Variants in PREX2 observed in about 807,000 individuals in gnomAD.
PREX2 encodes the protein phosphatidylinositol 3,4,5-trisphosphate-dependent Rac exchanger 2 protein.
PREX2 carries 107 observed loss-of-function variants against 203.2 expected under a neutral mutation model. That is an observed-to-expected ratio of 0.53 (90% confidence interval 0.45 to 0.62). The LOEUF (loss-of-function observed/expected upper bound fraction) is 0.62. Ranked by LOEUF, PREX2 falls within the 20% of genes least tolerant of loss-of-function variation. The probability of loss-of-function intolerance (pLI) is 0.00; values close to 1 mark genes in which losing one functional copy is unlikely to be tolerated. For missense variants in PREX2, 1,777 were observed against 1,955.9 expected, an observed-to-expected ratio of 0.91 and a Z score of 1.72; for synonymous variants, 672 against 663.6, an observed-to-expected ratio of 1.01 and a Z score of -0.19.
chr8:68,097,052 G>T lies in PREX2; in HGVS notation c.2404G>T (p.Asp802Tyr), dbSNP rs1314682192. Residue 802 changes from aspartate to tyrosine, a missense_variant, in exon 22 of 40, where the codon GAT (aspartate) becomes TAT (tyrosine). Coordinates refer to ENST00000288368, the MANE Select transcript of PREX2 (RefSeq NM_024870.4). ...CAAATTCAACACTATGGCCATCATT[G>T]ATGGGAAGAAGGAGCATGTGAGTCT... ...IDKFNTMAII[D>Y]GKKEHVSLTV... 18 of 1,613,788 alleles carry T rather than the reference G, an allele frequency of 1.1e-5. No individual in the cohort carries two copies. Among genetic ancestry groups the T allele is most frequent in the Non-Finnish European group, 1.4e-5 (17 of 1,179,880 alleles).
intron 11 of PREX2, among the ~76,000 whole-genome samples, chr8:68,065,256 CT>C (rs1251657347): frequency 1.3e-5 from 2 of 152,122 alleles, no homozygotes; most frequent in Non-Finnish European, 2.9e-5. Context: ...GGCTCAACTT[CT>C]TGAGTTTTGG....
At chr8:68,178,031 G>T (rs1812015682) in intron 35 of PREX2, among the ~76,000 whole-genome samples, 1 of 152,100 alleles carries the variant, frequency 6.6e-6, no homozygotes, top group African/African-American at 2.4e-5. Flanking sequence ...TCTTTATCCA[G>T]TCTATCACTG....
intron 35 of PREX2, among the ~76,000 whole-genome samples, chr8:68,168,622 A>G (rs990369307): frequency 1.3e-5 from 2 of 152,056 alleles, no homozygotes; most frequent in African/African-American, 4.8e-5. Context: ...ATGCCTTCTC[A>G]TTTTGCTTGC....
At chr8:68,130,576 T>C (rs1190035990) in intron 31 of PREX2, among the ~76,000 whole-genome samples, 1 of 152,194 alleles carries the variant, frequency 6.6e-6, no homozygotes, top group African/African-American at 2.4e-5. Context: ...GTGCTTTAAA[T>C]ACTTTTTATC....
chr8:68,053,014 C>A, intron 8 of PREX2, 83 bp from the exon 9 acceptor site: 1 of 1,273,030 alleles, frequency 7.9e-7, no homozygotes, highest in South Asian at 1.5e-5. Flanking sequence ...GGTTTTGGAA[C>A]TTTTGTGTAT....
intron 11 of PREX2, among the ~76,000 whole-genome samples, chr8:68,061,274 G>T (rs1362168189): frequency 6.6e-6 from 1 of 152,224 alleles, no homozygotes; most frequent in Non-Finnish European, 1.5e-5. Context: ...ACTGGCGAGG[G>T]GAGGTGTGGC....
At chr8:67,980,872 A>G (rs968887400) in intron 1 of PREX2, among the ~76,000 whole-genome samples, 2 of 152,210 alleles carry the variant, frequency 1.3e-5, no homozygotes, top group Non-Finnish European at 2.9e-5. Context: ...ACTGTGAGTC[A>G]GTTAAGCCTG....
intron 33 of PREX2, among the ~76,000 whole-genome samples, chr8:68,139,925 T>G (rs1488179688): frequency 6.6e-6 from 1 of 152,206 alleles, no homozygotes; most frequent in Admixed American, 6.5e-5. Context: ...TTCATTTACT[T>G]GAATAATGTG....
chr8:68,044,748 TAAGG>T (rs1297247366), intron 8 of PREX2, among the ~76,000 whole-genome samples, 158 bp downstream of exon 8: 1 of 151,972 alleles, frequency 6.6e-6, no homozygotes, highest in African/African-American at 2.4e-5. Flanking sequence ...AAAGGTGAGA[TAAGG>T]GAGGGGAGGA....
At chr8:68,216,454 C>G (rs1171047419) in intron 37 of PREX2, among the ~76,000 whole-genome samples, 1 of 152,020 alleles carries the variant, frequency 6.6e-6, no homozygotes, top group East Asian at 1.9e-4. Context: ...AAAAACAAAA[C>G]AAAATCCATT....
chr8:68,030,797 T>A, intron 6 of PREX2, 139 bp downstream of exon 6: 2 of 796,032 alleles, frequency 2.5e-6, no homozygotes, highest in South Asian at 1.8e-5. Context: ...TTCTGAAAAG[T>A]GCTCACTTTC....
intron 20 of PREX2, among the ~76,000 whole-genome samples, chr8:68,092,569 T>C (rs553508153): frequency 6.6e-6 from 1 of 152,278 alleles, no homozygotes; most frequent in Non-Finnish European, 1.5e-5. Flanking sequence ...GCTGTTAAAA[T>C]ATAGGATAAT....
chr8:68,172,772 CAAGAGG>C (rs1442172033), intron 35 of PREX2, among the ~76,000 whole-genome samples: 1 of 152,154 alleles, frequency 6.6e-6, no homozygotes, highest in Admixed American at 6.6e-5. Flanking sequence ...AGCTGGGATT[CAAGAGG>C]AAGAGGGACC....
chr8:68,131,837 A>G (rs1248632757), intron 31 of PREX2, among the ~76,000 whole-genome samples: 3 of 152,174 alleles, frequency 2.0e-5, no homozygotes, highest in African/African-American at 7.2e-5. Flanking sequence ...TTTTCACTCA[A>G]TATCCATAAT....
intron 31 of PREX2, among the ~76,000 whole-genome samples, chr8:68,131,506 A>C (rs1274859510): frequency 6.6e-6 from 1 of 152,186 alleles, no homozygotes; most frequent in African/African-American, 2.4e-5. Context: ...TCAGTGTTAA[A>C]CATTTGAATT....
At chr8:67,969,868 G>A (rs745515965) in intron 1 of PREX2, among the ~76,000 whole-genome samples, 1 of 152,192 alleles carries the variant, frequency 6.6e-6, no homozygotes, top group Non-Finnish European at 1.5e-5. Context: ...ATTCCCAGGT[G>A]AGCACAGGTG....
At chr8:67,973,972 T>C (rs1805999069) in intron 1 of PREX2, among the ~76,000 whole-genome samples, 1 of 152,232 alleles carries the variant, frequency 6.6e-6, no homozygotes, top group Non-Finnish European at 1.5e-5. Context: ...ATTTTTTTCC[T>C]TCATATATTC....
intron 10 of PREX2, among the ~76,000 whole-genome samples, chr8:68,058,854 T>C (rs1808759506): frequency 6.6e-6 from 1 of 152,250 alleles, no homozygotes; most frequent in Admixed American, 6.5e-5. Context: ...GTCCCCGTTG[T>C]CTTATGGCAA....
chr8:68,007,853 C>T (rs1335736400), intron 1 of PREX2, among the ~76,000 whole-genome samples: 3 of 152,220 alleles, frequency 2.0e-5, no homozygotes, highest in African/African-American at 4.8e-5. Flanking sequence ...TCATGATCCG[C>T]CCACCTCGGC....
Sources: allele counts gnomAD v4.1 joint callset (sites outside exome capture counted in the v4.1 genomes callset), GRCh38; gene constraint gnomAD v4.1.1; transcripts MANE v1.5; gene names NCBI Gene and HGNC (gene_info 2026-07-23, HGNC 2026-07-21).